EBF4: variants seen among roughly 807,000 people sequenced by gnomAD.
The protein encoded by EBF4 is transcription factor COE4.
In EBF4, 34 loss-of-function variants were observed where a neutral mutation model predicts 67.1. That is an observed-to-expected ratio of 0.51 (90% CI 0.39 to 0.67). The LOEUF is 0.67. Ranked by LOEUF, EBF4 falls within the 30% of genes least tolerant of loss-of-function variation. The probability of loss-of-function intolerance (pLI) is 0.00; values close to 1 mark genes in which losing one functional copy is unlikely to be tolerated. For missense variants in EBF4, 837 were observed against 873.3 expected (o/e 0.96, Z 0.52); for synonymous variants, 387 against 377.7 (o/e 1.02, Z -0.29).
At chr20:2,700,830 C>T (rs1005416516) in intron 1 of EBF4, among the ~76,000 whole-genome samples, 33 of 152,182 alleles carry the variant, frequency 2.2e-4, no homozygotes, top group African/African-American at 7.2e-4. Flanking sequence ...TGGGGTCAAT[C>T]AGGAGAAGGA....
chr20:2,737,381 G>T (rs910075238), intron 6 of EBF4, among the ~76,000 whole-genome samples: 2 of 152,112 alleles, frequency 1.3e-5, no homozygotes, highest in Non-Finnish European at 2.9e-5. Flanking sequence ...TGAATAATAA[G>T]CTTTCTCCAC....
chr20:2,749,589 C>T (rs746474905), intron 8 of EBF4, 31 bp from the exon 9 acceptor site: 27 of 1,549,754 alleles, frequency 1.7e-5, no homozygotes, highest in Non-Finnish European at 2.1e-5. Context: ...TCAGCGCGGT[C>T]CCCTGACCTG....
At chr20:2,742,627 T>G (rs2087984817) in intron 6 of EBF4, among the ~76,000 whole-genome samples, 1 of 152,092 alleles carries the variant, frequency 6.6e-6, no homozygotes, top group African/African-American at 2.4e-5. Flanking sequence ...CCTGCAGTGG[T>G]CACCCTCCAT....
intron 7 of EBF4, 22 bp from the exon 8 acceptor site, chr20:2,749,379 C>G (rs1182906248): frequency 2.0e-6 from 3 of 1,508,484 alleles, no homozygotes; most frequent in East Asian, 2.5e-5. Flanking sequence ...CCCAGCCAGG[C>G]TGGCCTCGGC....
At chr20:2,746,259 G>A (rs1435261124) in intron 6 of EBF4, among the ~76,000 whole-genome samples, 1 of 152,158 alleles carries the variant, frequency 6.6e-6, no homozygotes, top group Middle Eastern at 3.2e-3. Context: ...AGCACTGAAG[G>A]TGTCTGCACC....
chr20:2,741,718 A>G (rs4815540), intron 6 of EBF4, among the ~76,000 whole-genome samples: 25,152 of 152,114 alleles, frequency 0.17, 2,464 homozygotes, highest in African/African-American at 0.28. Context: ...CATCAGAGTC[A>G]TGATGCATAA....
intron 6 of EBF4, among the ~76,000 whole-genome samples, chr20:2,725,096 T>C (rs2087730536): frequency 6.6e-6 from 1 of 152,224 alleles, no homozygotes; most frequent in Non-Finnish European, 1.5e-5. Context: ...TATACATCTT[T>C]TACCACGTCT....
intron 6 of EBF4, among the ~76,000 whole-genome samples, chr20:2,711,871 G>A (rs1244556689): frequency 6.6e-6 from 1 of 152,170 alleles, no homozygotes; most frequent in South Asian, 2.1e-4. Flanking sequence ...TGAAGCTTTA[G>A]GGTATTTAAG....
At chr20:2,711,148 A>AAATAATAATAATAATAATAATAATAAT (rs144765250) in intron 6 of EBF4, among the ~76,000 whole-genome samples, 6 of 146,808 alleles carry the variant, frequency 4.1e-5, no homozygotes, top group South Asian at 2.2e-4. Context: ...ACCCTGTCTA[A>AAATAATAATAATAATAATAATAATAAT]AATAATAATA....
chr20:2,746,324 G>A (rs1600238564), intron 6 of EBF4, among the ~76,000 whole-genome samples: 1 of 152,134 alleles, frequency 6.6e-6, no homozygotes, highest in East Asian at 1.9e-4. Flanking sequence ...ACTACTGTTT[G>A]GGGGCATAAC....
chr20:2,704,151 C>G (rs1414409757), intron 1 of EBF4, among the ~76,000 whole-genome samples: 1 of 152,054 alleles, frequency 6.6e-6, no homozygotes, highest in Non-Finnish European at 1.5e-5. Flanking sequence ...CAGGCCAATC[C>G]CAACACAATA....
At chr20:2,717,733 TTTTA>T (rs1421955173) in intron 6 of EBF4, among the ~76,000 whole-genome samples, 3 of 152,176 alleles carry the variant, frequency 2.0e-5, no homozygotes, top group Non-Finnish European at 4.4e-5. Context: ...TCCTTATATA[TTTTA>T]TTTCTTTTTC....
chr20:2,713,923 G>T (rs2146405835), intron 6 of EBF4, among the ~76,000 whole-genome samples: 1 of 152,266 alleles, frequency 6.6e-6, no homozygotes, highest in South Asian at 2.1e-4. Flanking sequence ...GAGAAAAGAT[G>T]CTCACGGAAT....
chr20:2,705,253 T>C (rs549850303), intron 1 of EBF4, among the ~76,000 whole-genome samples: 368 of 152,356 alleles, frequency 2.4e-3, no homozygotes, highest in Non-Finnish European at 4.1e-3. Flanking sequence ...TTCATACTTT[T>C]GATTTTTGAG....
Position 2,693,859 on chromosome 20 carries a change from T to C in EBF4, c.137+77T>C. ...CCTCAGCTCAGCTTGCTGGAGCTGC[T>C]GGAGCCAGGGGCGGAAGGAGCCCTA... On this transcript the variant is annotated intron_variant, in intron 1 of 16. Transcript: ENST00000609451. The surrounding 1 kb of genome is among the most constrained non-coding windows in gnomAD (Gnocchi z 4.6). 8.0e-7 allele frequency: 1 copy of C among 1,252,892 alleles called. No individual in the cohort carries two copies. The highest frequency in any genetic ancestry group is 4.2e-5 in the Admixed American group (1 of 23,718). 77.6% of individuals were successfully genotyped at this position (1,252,892 alleles called of 1,614,324 possible). A position where few individuals can be genotyped will look rare whatever the true frequency, so the allele number is the denominator to read the frequency against.
rs974239336 is a variant in EBF4 at position 2,751,294 on chromosome 20, TGTTAA to T, written c.1019-402_1019-398del. Among the ~76,000 whole-genome samples, 16 of 152,280 alleles carry T rather than the reference TGTTAA, an allele frequency of 1.1e-4. No homozygotes were observed. The highest frequency in any genetic ancestry group is 3.9e-4 in the East Asian group (2 of 5,188). ...CACTTGAGCCGTGATAAATGGAGATTGTTAAGTTTTTTCTTTTTTATAATAAACTC... is the reference window on the plus strand; with the variant it reads ...CACTTGAGCCGTGATAAATGGAGATTGTTTTTTCTTTTTTATAATAAACTC... On this transcript the variant is annotated intron_variant, in intron 10 of 16. Coordinates refer to ENST00000609451, the Ensembl canonical transcript of EBF4. The surrounding 1 kb of genome is among the most constrained non-coding windows in gnomAD (Gnocchi z 5.2).
At chr20:2,699,628 A>G (rs1045138832) in intron 1 of EBF4, among the ~76,000 whole-genome samples, 2 of 152,224 alleles carry the variant, frequency 1.3e-5, no homozygotes, top group Non-Finnish European at 2.9e-5. Context: ...GGAAATGTAT[A>G]ATTCATTTTG....
At chr20:2,723,585 G>A (rs1310777424) in intron 6 of EBF4, among the ~76,000 whole-genome samples, 8 of 152,070 alleles carry the variant, frequency 5.3e-5, no homozygotes, top group South Asian at 4.1e-4. Context: ...TCCTGACCTC[G>A]TGATCCACCC....
chr20:2,747,856 A>G lies in EBF4; in HGVS notation c.558-693A>G, dbSNP rs2088074554. On this transcript the variant is annotated intron_variant, in intron 6 of 16. Transcript: ENST00000609451. The surrounding 1 kb of genome is among the most constrained non-coding windows in gnomAD (Gnocchi z 4.6). ...GGTACAGGCTCTGTGTCTGCTTAGT[A>G]TGCCATATGTGTGGGATGAGTGCAG... is the stretch of plus-strand genomic sequence containing the variant. Among the ~76,000 whole-genome samples, 1 of 152,184 alleles carries G rather than the reference A, an allele frequency of 6.6e-6. No homozygotes were observed. The highest frequency in any genetic ancestry group is 6.5e-5 in the Admixed American group (1 of 15,274).
Sources: allele counts gnomAD v4.1 joint callset (sites outside exome capture counted in the v4.1 genomes callset), GRCh38; gene constraint gnomAD v4.1.1; non-coding constraint Gnocchi (gnomAD v3.1); transcripts MANE v1.5; gene names NCBI Gene and HGNC (gene_info 2026-07-23, HGNC 2026-07-21).